The following SWAP70 variants were observed in gnomAD, a reference collection of about 807,000 sequenced individuals.
SWAP70 encodes the protein switch-associated protein 70.
SWAP70 carries 34 observed loss-of-function variants against 80.2 expected under a neutral mutation model. The ratio of observed to expected loss-of-function variants is 0.42; its 90% CI spans 0.32 to 0.56. The LOEUF is 0.56. Among genes scored for constraint, SWAP70 ranks in the 20% least tolerant of loss-of-function variants. SWAP70 has a pLI of 0.09. For synonymous variants in SWAP70, 239 were observed against 238.5 expected (o/e 1.00, Z -0.02); for missense variants, 578 against 690.7 (o/e 0.84, Z 1.83).
intron 1 of SWAP70, among the ~76,000 whole-genome samples, chr11:9,682,132 T>C (rs1168400980): frequency 6.6e-6 from 1 of 152,170 alleles, no homozygotes; most frequent in Non-Finnish European, 1.5e-5. Flanking sequence ...CTGCAGCAAC[T>C]CTTTGACAGG....
At chr11:9,695,220 G>C (rs1434609066) in intron 2 of SWAP70, among the ~76,000 whole-genome samples, 1 of 151,960 alleles carries the variant, frequency 6.6e-6, no homozygotes, top group African/African-American at 2.4e-5. Context: ...CTTGAACCCG[G>C]GAGGTAGAGC....
At chr11:9,676,866 G>A (rs1040321790) in intron 1 of SWAP70, among the ~76,000 whole-genome samples, 1 of 151,954 alleles carries the variant, frequency 6.6e-6, no homozygotes, top group African/African-American at 2.4e-5. Flanking sequence ...TGTTAGGCAG[G>A]ATGGTCTTGG....
intron 1 of SWAP70, among the ~76,000 whole-genome samples, chr11:9,673,000 T>C (rs1268425896): frequency 3.3e-5 from 5 of 152,178 alleles, no homozygotes. Flanking sequence ...GGTGACCAAA[T>C]GTGTGGAGGT....
At chr11:9,728,248 A>G in intron 5 of SWAP70, 49 bp downstream of exon 5, 1 of 1,489,916 alleles carries the variant, frequency 6.7e-7, no homozygotes, top group Admixed American at 2.3e-5. Context: ...CTGCCCCCTG[A>G]TGCTGAAGTA....
At chr11:9,690,234 A>G (rs947537596) in intron 1 of SWAP70, among the ~76,000 whole-genome samples, 2 of 152,138 alleles carry the variant, frequency 1.3e-5, no homozygotes, top group African/African-American at 4.8e-5. Context: ...TCTTTTTACT[A>G]GTTTATATTC....
At chr11:9,680,320 G>C (rs1369092496) in intron 1 of SWAP70, among the ~76,000 whole-genome samples, 2 of 152,190 alleles carry the variant, frequency 1.3e-5, no homozygotes, top group Admixed American at 1.3e-4. Context: ...TTGACTGCTT[G>C]AAAATTCATG....
chr11:9,686,292 T>G (rs1850630978), intron 1 of SWAP70, among the ~76,000 whole-genome samples: 1 of 151,770 alleles, frequency 6.6e-6, no homozygotes, highest in South Asian at 2.1e-4. Context: ...ATATATGTCC[T>G]TTTGTATAAA....
At chr11:9,694,013 T>C (rs948843148) in intron 1 of SWAP70, 133 bp from the exon 2 acceptor site, 5 of 1,159,962 alleles carry the variant, frequency 4.3e-6, no homozygotes, top group Non-Finnish European at 5.9e-6. Context: ...AGCTGAGCAG[T>C]CCTCACCCTG....
At chr11:9,680,345 T>C (rs573895983) in intron 1 of SWAP70, among the ~76,000 whole-genome samples, 5 of 152,346 alleles carry the variant, frequency 3.3e-5, no homozygotes, top group South Asian at 4.1e-4. Flanking sequence ...TGAGTTGATA[T>C]GTACTTTAAG....
chr11:9,707,658 T>G (rs1446941582), intron 2 of SWAP70, among the ~76,000 whole-genome samples: 2 of 150,672 alleles, frequency 1.3e-5, no homozygotes, highest in Non-Finnish European at 3.0e-5. Context: ...GGGGTTCAAG[T>G]GACTCTCCTG....
chr11:9,726,811 A>T, intron 4 of SWAP70: 1 of 452,428 alleles, frequency 2.2e-6, no homozygotes, highest in Non-Finnish European at 4.5e-6. Context: ...CTTTGAGGCC[A>T]GTCTGTGGGA....
intron 9 of SWAP70, among the ~76,000 whole-genome samples, chr11:9,747,453 C>T (rs982859877): frequency 2.6e-5 from 4 of 152,212 alleles, no homozygotes; most frequent in African/African-American, 9.6e-5. Flanking sequence ...CAAATCTTGG[C>T]CCTGCCACCT....
intron 6 of SWAP70, among the ~76,000 whole-genome samples, chr11:9,731,818 C>G (rs897512975): frequency 6.6e-6 from 1 of 152,018 alleles, no homozygotes; most frequent in Non-Finnish European, 1.5e-5. Flanking sequence ...GGAGGGGAAT[C>G]TAGTACTTGA....
intron 1 of SWAP70, among the ~76,000 whole-genome samples, chr11:9,672,250 G>T (rs1310317041): frequency 1.8e-5 from 2 of 111,514 alleles, no homozygotes; most frequent in Non-Finnish European, 3.5e-5. Flanking sequence ...AATCAGGTTG[G>T]TTCTTCCTTT....
At chr11:9,720,588 T>G in intron 3 of SWAP70, 2 of 602,862 alleles carry the variant, frequency 3.3e-6, no homozygotes, top group Non-Finnish European at 4.2e-6. Flanking sequence ...CACACACATG[T>G]GGCTATACAC....
intron 3 of SWAP70, 116 bp downstream of exon 3, chr11:9,713,755 T>C (rs955200139): frequency 7.1e-5 from 89 of 1,260,640 alleles, no homozygotes; most frequent in Non-Finnish European, 9.6e-5. Flanking sequence ...GCTAGTGTTT[T>C]TGGATCAGAG....
intron 9 of SWAP70, among the ~76,000 whole-genome samples, chr11:9,743,302 T>G (rs1851467297): frequency 6.6e-6 from 1 of 151,244 alleles, no homozygotes; most frequent in Non-Finnish European, 1.5e-5. Flanking sequence ...TCTATCATTG[T>G]TGGACATTTG....
In SWAP70 at chr11:9,732,668, C is replaced by A. The variant is rs774421401; in HGVS notation, c.1038C>A (p.Ala346=). Residue 346 remains alanine (A), a synonymous_variant, in exon 7 of 12, where the codon GCC becomes GCA. Transcript: ENST00000318950. ...AGCGACAAATGAAGGAACTCCAGGC[C>A]GCCAACGAAAGCAAGCAGCAGGAGC... is the stretch of plus-strand genomic sequence containing the variant. ...ELERQMKELQ[A]ANESKQQELE... 4 of 1,563,582 alleles carry A rather than the reference C, an allele frequency of 2.6e-6. No individual in the cohort carries two copies. The highest frequency in any genetic ancestry group is 3.5e-6 in the Non-Finnish European group (4 of 1,153,286).
intron 2 of SWAP70, among the ~76,000 whole-genome samples, chr11:9,705,832 T>C (rs111605520): frequency 6.8e-5 from 4 of 58,698 alleles, no homozygotes; most frequent in Non-Finnish European, 9.9e-5. Flanking sequence ...GATCTGTGTA[T>C]ACTTGGTGAT....
Sources: allele counts gnomAD v4.1 joint callset (sites outside exome capture counted in the v4.1 genomes callset), GRCh38; gene constraint gnomAD v4.1.1; transcripts MANE v1.5; gene names NCBI Gene and HGNC (gene_info 2026-07-23, HGNC 2026-07-21).